XIRP2: variants seen among roughly 807,000 people sequenced by gnomAD.
XIRP2 encodes xin actin binding repeat containing 2.
Under a neutral mutation model 277.0 loss-of-function variants are expected in XIRP2, and 236 were observed. That is an observed-to-expected ratio of 0.85 (90% confidence interval 0.77 to 0.95). The LOEUF is 0.95. Ranked by LOEUF, XIRP2 falls within the 40% of genes least tolerant of loss-of-function variation. The pLI is 0.00. For missense variants in XIRP2, 4,640 were observed against 4,157.5 expected (o/e 1.12, Z -3.19); for synonymous variants, 1,490 against 1,416.5 (o/e 1.05, Z -1.17).
At chr2:167,138,436 A>G (rs1294656570) in intron 3 of XIRP2, among the ~76,000 whole-genome samples, 2 of 152,122 alleles carry the variant, frequency 1.3e-5, no homozygotes, top group African/African-American at 4.8e-5. Flanking sequence ...CTCTCTTTTT[A>G]TGCCTGATGA....
At position 167,240,727 on chromosome 2, in the gene XIRP2, C is replaced by A. The variant is rs1329024194; in HGVS notation, c.1033C>A (p.Gln345Lys). 6.2e-7 allele frequency: 1 copy of A among 1,613,456 alleles called. No homozygotes were observed. The highest frequency in any genetic ancestry group is 8.5e-7 in the Non-Finnish European group (1 of 1,179,622). ...AGCATCTCAGTTTCATCAATATGTT[C>A]AAGAAACTGGTAAGAGTCTGGTATT... is the stretch of plus-strand genomic sequence containing the variant. ...NQASQFHQYV[Q>K]ETVIDTPEDE... The change falls in exon 7 of 11, where the codon CAA becomes AAA. Residue 345 changes from glutamine to lysine, a missense_variant. Coordinates refer to ENST00000409195, the MANE Select transcript of XIRP2 (RefSeq NM_152381.6).
At position 167,246,487 on chromosome 2, in the gene XIRP2, G is replaced by T. The variant is rs868717380; in HGVS notation, c.5095G>T (p.Asp1699Tyr). Reference protein sequence around the residue: ...MTIYCLLHENDGDTIEREEVI... With the variant: ...MTIYCLLHENYGDTIEREEVI... ...TATCTATTGTCTTCTTCATGAAAATGATGGTGACACAATTGAGCGTGAAGA... is the reference window on the plus strand; with the variant it reads ...TATCTATTGTCTTCTTCATGAAAATTATGGTGACACAATTGAGCGTGAAGA... Residue 1699 changes from aspartate to tyrosine, a missense_variant, in exon 9 of 11, where the codon GAT becomes TAT. Transcript: ENST00000409195. 3 of 1,613,666 alleles carry T rather than the reference G, an allele frequency of 1.9e-6. No homozygotes were observed. In the East Asian group the frequency reaches 6.7e-5, roughly 36 times the overall value.
rs371552939 is a variant in XIRP2, at chr2:167,245,483, A to G, written c.4091A>G (p.Lys1364Arg). Residue 1364 changes from lysine to arginine, a missense_variant, in exon 9 of 11, where the codon AAA (lysine) becomes AGA (arginine). By Grantham distance (26) the Lys-to-Arg change is conservative. Coordinates refer to ENST00000409195, the MANE Select transcript of XIRP2 (RefSeq NM_152381.6). Reference protein sequence around the residue: ...FETKPLDSINKSETVYVIKSV... With the variant: ...FETKPLDSINRSETVYVIKSV... ...ACAAAGCCATTAGACTCTATTAATA[A>G]ATCAGAAACTGTGTATGTTATTAAA... The G allele has an allele frequency of 3.1e-6, 5 of 1,613,482 alleles. No individual in the cohort carries two copies. In the African/African-American group the frequency reaches 6.7e-5, roughly 22 times the overall value.
At chr2:167,150,853 A>C (rs1691996393) in intron 3 of XIRP2, among the ~76,000 whole-genome samples, 1 of 152,086 alleles carries the variant, frequency 6.6e-6, no homozygotes, top group Non-Finnish European at 1.5e-5. Flanking sequence ...TATCATATTA[A>C]AATACAGTGA....
Position 167,244,602 on chromosome 2 carries a change from T to C in XIRP2, c.3210T>C (p.Phe1070=). The C allele has an allele frequency of 3.7e-6, 6 of 1,612,710 alleles. No homozygotes were observed. The highest frequency in any genetic ancestry group is 2.5e-6 in the Non-Finnish European group (3 of 1,179,432). ...ETQPLDSIKY[F]SDVEETESKT... ...AACCTCTTGATTCAATTAAATATTT[T>C]AGTGATGTGGAAGAAACAGAAAGTA... The change falls in exon 9 of 11, where the codon TTT becomes TTC. Residue 1070 remains phenylalanine (F), a synonymous_variant. Transcript: ENST00000409195.
chr2:167,051,354 T>G (rs748018966), intron 2 of XIRP2, among the ~76,000 whole-genome samples: 1 of 152,126 alleles, frequency 6.6e-6, no homozygotes, highest in Non-Finnish European at 1.5e-5. Flanking sequence ...ATTATGCATT[T>G]TGCATTGTGC....
intron 5 of XIRP2, among the ~76,000 whole-genome samples, chr2:167,239,151 G>A (rs538949072): frequency 6.6e-6 from 1 of 152,236 alleles, no homozygotes; most frequent in East Asian, 1.9e-4. Context: ...AGACTAGTAT[G>A]TCTTTTTGTA....
At chr2:167,036,079 G>A (rs768459435) in intron 2 of XIRP2, among the ~76,000 whole-genome samples, 1 of 152,202 alleles carries the variant, frequency 6.6e-6, no homozygotes, top group Non-Finnish European at 1.5e-5. Flanking sequence ...TGGATGCTCA[G>A]GCAAAAGTTT....
intron 3 of XIRP2, among the ~76,000 whole-genome samples, chr2:167,193,879 C>CAAAAAAAAA (rs767047580): frequency 1.9e-4 from 14 of 71,796 alleles, no homozygotes; most frequent in South Asian, 5.4e-4. Context: ...GACTCTGTCT[C>CAAAAAAAAA]AAAAAAAAAA....
At chr2:167,037,818 A>G (rs1221477653) in intron 2 of XIRP2, among the ~76,000 whole-genome samples, 4 of 152,094 alleles carry the variant, frequency 2.6e-5, no homozygotes, top group Non-Finnish European at 4.4e-5. Flanking sequence ...TAGGAAAATC[A>G]GTAGCAACTA....
chr2:167,038,329 G>A (rs1207368208), intron 2 of XIRP2, among the ~76,000 whole-genome samples: 1 of 151,856 alleles, frequency 6.6e-6, no homozygotes, highest in Admixed American at 6.6e-5. Context: ...AGCTAAAAGA[G>A]GCCATGAAAA....
chr2:166,920,018 T>C lies in XIRP2; in HGVS notation c.408+16128T>C, dbSNP rs184515748. 1.4e-3 allele frequency among the ~76,000 whole-genome samples: 207 copies of C among 152,266 alleles called. 1 individual carries two copies. The South Asian group carries it at 0.02, about 15-fold the overall frequency. On this transcript the variant is annotated intron_variant, in intron 2 of 10. Coordinates refer to ENST00000409195, the MANE Select transcript of XIRP2 (RefSeq NM_152381.6). ...TAGTTTATAGCTGTAGCCTTTTTTA[T>C]AGGGCCCACAAATTTTTGAGTTTAC...
At chr2:166,891,412 T>C (rs1684101454) in intron 1 of XIRP2, among the ~76,000 whole-genome samples, 1 of 152,182 alleles carries the variant, frequency 6.6e-6, no homozygotes, top group Admixed American at 6.6e-5. Flanking sequence ...AGCTACATTT[T>C]TGGCAGAAAA....
chr2:167,195,501 GC>G (rs1693473260), intron 3 of XIRP2, among the ~76,000 whole-genome samples: 1 of 152,188 alleles, frequency 6.6e-6, no homozygotes, highest in Non-Finnish European at 1.5e-5. Context: ...CTGCACAGCA[GC>G]CCCTTCCAAC....
chr2:167,169,633 T>C (rs1190096236), intron 3 of XIRP2, among the ~76,000 whole-genome samples: 1 of 152,224 alleles, frequency 6.6e-6, no homozygotes, highest in African/African-American at 2.4e-5. Flanking sequence ...CCAAGCTTAT[T>C]ACATACTGGA....
chr2:166,967,316 T>C (rs1051357607), intron 2 of XIRP2, among the ~76,000 whole-genome samples: 1 of 151,940 alleles, frequency 6.6e-6, no homozygotes. Context: ...TGAAGTCTTC[T>C]CCTTCTCAAG....
At chr2:167,049,813 T>C (rs1051001290) in intron 2 of XIRP2, among the ~76,000 whole-genome samples, 1 of 152,032 alleles carries the variant, frequency 6.6e-6, no homozygotes, top group African/African-American at 2.4e-5. Context: ...AAAATGATAG[T>C]GTGACATAAA....
At chr2:167,068,822 T>C (rs1689369532) in intron 2 of XIRP2, among the ~76,000 whole-genome samples, 1 of 152,204 alleles carries the variant, frequency 6.6e-6, no homozygotes, top group Non-Finnish European at 1.5e-5. Flanking sequence ...TTTCTTTAAA[T>C]GTTATAAGAT....
chr2:167,247,626 T>A lies in XIRP2; in HGVS notation c.6234T>A (p.Tyr2078Ter). The change falls in exon 9 of 11, where the codon TAT becomes TAA. Residue 2078 changes from tyrosine to a stop codon, truncating the protein, a stop_gained. Coordinates refer to ENST00000409195, the MANE Select transcript of XIRP2 (RefSeq NM_152381.6). LOFTEE classifies it high-confidence loss of function. ...TTGEQHLRDE[Y>*]MSRQLTSTVS... ...GAGAACAGCATCTTAGAGATGAATA[T>A]ATGAGCAGACAATTAACTTCAACTG... 1 of 1,613,644 alleles carries A rather than the reference T, an allele frequency of 6.2e-7. No individual in the cohort carries two copies.
Sources: allele counts gnomAD v4.1 joint callset (sites outside exome capture counted in the v4.1 genomes callset), GRCh38; gene constraint gnomAD v4.1.1; transcripts MANE v1.5; gene names NCBI Gene and HGNC (gene_info 2026-07-23, HGNC 2026-07-21).